The following DZIP1 variants were observed in gnomAD, a reference collection of about 807,000 sequenced individuals.
DZIP1 encodes the protein cilium assembly protein DZIP1.
Under a neutral mutation model 107.6 loss-of-function variants are expected in DZIP1, and 97 were observed. That is an observed-to-expected ratio of 0.90 (90% CI 0.77 to 1.07). The LOEUF (loss-of-function observed/expected upper bound fraction) is 1.07. Ranked by LOEUF, DZIP1 falls within the 50% of genes least tolerant of loss-of-function variation. The pLI is 0.00. For synonymous variants in DZIP1, 390 were observed against 386.4 expected, an observed-to-expected ratio of 1.01 and a Z score of -0.11; for missense variants, 1,035 against 1,063.6, an observed-to-expected ratio of 0.97 and a Z score of 0.37.
chr13:95,617,329 A>G (rs922484125), intron 10 of DZIP1, among the ~76,000 whole-genome samples: 1 of 152,192 alleles, frequency 6.6e-6, no homozygotes, highest in Non-Finnish European at 1.5e-5. Context: ...GAGAAGGAGT[A>G]GCCTCTGGAA....
In DZIP1 at chr13:95,609,487, CA is replaced by C; in HGVS notation, c.1389del (p.Phe463LeufsTer12). ...PKGNPLAWQAFESQPAAPAVP... is the reference protein window; with the variant it reads ...PKGNPLAWQAXESQPAAPAVP... ...ACAGCTGGAGCAGCTGGCTGAGATT[CA>C]AAAGCCTGCCAGGCTAAAGGATTTC... is the stretch of plus-strand genomic sequence containing the variant. On this transcript the variant is annotated frameshift_variant, in exon 13 of 23. Transcript: ENST00000376829. LOFTEE classifies it high-confidence loss of function. 1.3e-6 allele frequency: 2 copies of C among 1,589,368 alleles called. No homozygotes were observed. The highest frequency in any genetic ancestry group is 1.8e-5 in the Admixed American group (1 of 55,864).
intron 5 of DZIP1, among the ~76,000 whole-genome samples, chr13:95,638,715 T>C (rs1878129068): frequency 6.6e-6 from 1 of 152,132 alleles, no homozygotes; most frequent in Non-Finnish European, 1.5e-5. Context: ...TGTGTGTCTG[T>C]CTGTCTGTGT....
At chr13:95,585,316 T>G (rs935959222) in intron 21 of DZIP1, among the ~76,000 whole-genome samples, 2 of 152,326 alleles carry the variant, frequency 1.3e-5, no homozygotes, top group South Asian at 4.1e-4. Flanking sequence ...AGCCCCCAAC[T>G]GAAAGGTGCA....
chr13:95,587,624 G>A lies in DZIP1; in HGVS notation c.2133C>T (p.Ser711=), dbSNP rs976428588. The A allele has an allele frequency of 1.9e-6, 3 of 1,614,134 alleles. No homozygotes were observed. Among genetic ancestry groups the A allele is most frequent in the African/African-American group, 1.3e-5 (1 of 75,018 alleles). The change falls in exon 20 of 23, where the codon AGC becomes AGT. Residue 711 remains serine, a synonymous_variant. Coordinates refer to ENST00000376829, the MANE Select transcript of DZIP1 (RefSeq NM_198968.4). ...CACTTTTCACTGTGTTCTTCCCGAA[G>A]CTGCCCTTGTTTTGTGGTGGCGGCA... ...LPVPPPQNKG[S]FGKNTVKSDA... is the part of the protein sequence containing the mutation.
chr13:95,618,102 G>A, intron 10 of DZIP1: 1 of 508,972 alleles, frequency 2.0e-6, no homozygotes, highest in Non-Finnish European at 4.0e-6. Flanking sequence ...ATGTAAACAT[G>A]GGCATGATCC....
chr13:95,584,944 C>T (rs767697075), intron 21 of DZIP1, 34 bp from the exon 22 acceptor site: 114 of 1,570,064 alleles, frequency 7.3e-5, no homozygotes, highest in Non-Finnish European at 9.4e-5. Flanking sequence ...ATTAATGTTG[C>T]TTAGAAAAAA....
At chr13:95,607,042 TTTTTA>T (rs140496196) in intron 13 of DZIP1, among the ~76,000 whole-genome samples, 46,929 of 151,482 alleles carry the variant, frequency 0.31, 7,459 homozygotes, top group Middle Eastern at 0.34. Flanking sequence ...CTCAGCTACT[TTTTTA>T]TTTTATTTTT....
rs1217302760 is a variant in DZIP1, at chr13:95,644,602, T to G, written c.-751A>C. ...GGTCGACTGGCGCCGCTCTAGGGCC[T>G]TCCAGACTCCGGACCACGGACGACT... On this transcript the variant is annotated 5_prime_UTR_variant, in exon 1 of 23. Transcript: ENST00000376829. The G allele has an allele frequency of 6.6e-6, 1 of 152,556 alleles. No individual in the cohort carries two copies. Among genetic ancestry groups the G allele is most frequent in the Non-Finnish European group, 1.5e-5 (1 of 68,380 alleles). 9.5% of individuals were successfully genotyped at this position (152,556 alleles called of 1,614,324 possible). A position where few individuals can be genotyped will look rare whatever the true frequency, so the allele number is the denominator to read the frequency against.
intron 7 of DZIP1, among the ~76,000 whole-genome samples, chr13:95,629,575 G>A (rs555326080): frequency 4.6e-5 from 7 of 152,224 alleles, no homozygotes; most frequent in African/African-American, 1.7e-4. Flanking sequence ...CTGGAAGAAA[G>A]TGTAGACCTC....
intron 10 of DZIP1, among the ~76,000 whole-genome samples, chr13:95,614,465 A>G (rs962681734): frequency 6.6e-6 from 1 of 152,010 alleles, no homozygotes; most frequent in African/African-American, 2.4e-5. Context: ...GATCAACTAC[A>G]TGGGGAGTTG....
rs1878556627 is a variant in DZIP1, at chr13:95,641,820, GC to G, written c.71del (p.Ser24ThrfsTer49). On this transcript the variant is annotated frameshift_variant, in exon 5 of 23. Transcript: ENST00000376829. LOFTEE classifies it high-confidence loss of function. The surrounding 1 kb of genome is among the most constrained non-coding windows in gnomAD (Gnocchi z 4.3). ...FQKHVYYPLA[S>X]GPEGPDVAVA... ...CAGCGACGTCGGGCCCCTCTGGGCC[GC>G]TGGCGAGCGGGTAGTAGACATGCTT... 1 of 1,469,106 alleles carries G rather than the reference GC, an allele frequency of 6.8e-7. No individual in the cohort carries two copies. The highest frequency in any genetic ancestry group is 8.9e-7 in the Non-Finnish European group (1 of 1,119,600). The allele number at this position is 1,469,106 out of a possible 1,614,324, so 91.0% of individuals were successfully genotyped here.
chr13:95,615,994 C>T (rs1875015864), intron 10 of DZIP1, among the ~76,000 whole-genome samples: 1 of 152,166 alleles, frequency 6.6e-6, no homozygotes, highest in Non-Finnish European at 1.5e-5. Flanking sequence ...GAGAAATGTG[C>T]ACAGCTGAGA....
chr13:95,624,745 G>C, intron 8 of DZIP1, 23 bp downstream of exon 8: 1 of 1,574,398 alleles, frequency 6.4e-7, no homozygotes, highest in Non-Finnish European at 8.7e-7. Flanking sequence ...AATACCATAA[G>C]AACTTCTAGG....
chr13:95,630,564 C>T (rs571299454), intron 6 of DZIP1: 2 of 352,874 alleles, frequency 5.7e-6, no homozygotes, highest in Admixed American at 5.2e-5. Flanking sequence ...TCTGAGGACC[C>T]CATCAGTGCT....
chr13:95,632,461 G>T (rs1454693870), intron 6 of DZIP1, among the ~76,000 whole-genome samples: 2 of 152,056 alleles, frequency 1.3e-5, no homozygotes, highest in Admixed American at 1.3e-4. Flanking sequence ...CTGCCCACCT[G>T]CCTGGGGACA....
intron 8 of DZIP1, among the ~76,000 whole-genome samples, chr13:95,624,373 C>T (rs1876277637): frequency 6.6e-6 from 1 of 152,194 alleles, no homozygotes; most frequent in Admixed American, 6.5e-5. Context: ...CCACCTGGGC[C>T]TGGGTTGAGG....
At chr13:95,599,533 C>T in intron 14 of DZIP1, 109 bp from the exon 15 acceptor site, 1 of 953,510 alleles carries the variant, frequency 1.0e-6, no homozygotes, top group South Asian at 1.5e-5. Flanking sequence ...TTTAGTCATG[C>T]CTGAATAGCA....
At chr13:95,624,992 A>C (rs972059836) in intron 7 of DZIP1, 63 bp from the exon 8 acceptor site, 2 of 1,413,706 alleles carry the variant, frequency 1.4e-6, no homozygotes, top group Non-Finnish European at 1.9e-6. Flanking sequence ...CAATATTTAA[A>C]ATAAAAGTTC....
At chr13:95,618,950 A>G (rs992706093) in intron 10 of DZIP1, among the ~76,000 whole-genome samples, 2 of 152,230 alleles carry the variant, frequency 1.3e-5, no homozygotes, top group Non-Finnish European at 2.9e-5. Flanking sequence ...AACACATTTT[A>G]ACACTTAAAT....
Sources: gnomAD v4.1 joint callset for allele counts (sites outside exome capture counted in the v4.1 genomes callset) on GRCh38, gnomAD v4.1.1 for gene constraint, Gnocchi (gnomAD v3.1) non-coding constraint, MANE v1.5 for transcripts, NCBI Gene and HGNC (gene_info 2026-07-23, HGNC 2026-07-21) for gene names.